Variants in RASA1 observed in about 807,000 individuals in gnomAD.
RASA1 encodes RAS p21 protein activator 1.
In RASA1, 25 loss-of-function variants were observed where a neutral mutation model predicts 132.2. The observed-to-expected ratio is 0.19, with a 90% CI of 0.14 to 0.26. The LOEUF is 0.26. RASA1 is among the 10% of genes least tolerant of loss of function. The pLI, the probability that RASA1 is intolerant of heterozygous loss-of-function variation, is 1.00. For missense variants in RASA1, 964 were observed against 1,299.2 expected (o/e 0.74, Z 3.97); for synonymous variants, 477 against 449.9 (o/e 1.06, Z -0.76).
Position 87,268,647 on chromosome 5 carries a change from G to A in RASA1, c.196G>A (p.Ala66Thr). 1 of 1,610,996 alleles carries A rather than the reference G, an allele frequency of 6.2e-7. No homozygotes were observed. Among genetic ancestry groups the A allele is most frequent in the Non-Finnish European group, 8.5e-7 (1 of 1,179,030 alleles). Residue 66 changes from alanine (A) to threonine (T), a missense_variant, in exon 1 of 25, where the codon GCT becomes ACT. By Grantham distance (58) the Ala-to-Thr change is moderately conservative. Around this residue, in one of 6 missense-constraint regions of RASA1, gnomAD observed 326 missense variants for 275.8 expected, o/e 1.18. Coordinates refer to ENST00000274376, the MANE Select transcript of RASA1 (RefSeq NM_002890.3). Reference sequence around the variant, plus strand: ...GGCTGGAACTCTGGGTGGCGGAGCCGCTTTGGGGTCAGAGTTCCTAGGAGC... The same window carrying A: ...GGCTGGAACTCTGGGTGGCGGAGCCACTTTGGGGTCAGAGTTCCTAGGAGC... ...GVAGTLGGGA[A>T]LGSEFLGAGS...
chr5:87,300,045 A>G (rs1225020669), intron 1 of RASA1, among the ~76,000 whole-genome samples: 2 of 152,172 alleles, frequency 1.3e-5, no homozygotes, highest in East Asian at 3.8e-4. Context: ...TAAAACAAGA[A>G]TAATAGATAT....
intron 18 of RASA1, among the ~76,000 whole-genome samples, chr5:87,379,409 A>T (rs535862577): frequency 6.6e-6 from 1 of 152,316 alleles, no homozygotes; most frequent in African/African-American, 2.4e-5. Context: ...ATTCTGCCTA[A>T]GGCATTTGAT....
chr5:87,302,492 C>T (rs561614621), intron 1 of RASA1, among the ~76,000 whole-genome samples: 3 of 150,372 alleles, frequency 2.0e-5, no homozygotes, highest in African/African-American at 4.9e-5. Context: ...TCTTCAATTT[C>T]GCACTGTTGT....
At chr5:87,379,667 G>A in intron 18 of RASA1, 68 bp from the exon 19 acceptor site, 2 of 1,577,642 alleles carry the variant, frequency 1.3e-6, no homozygotes, top group South Asian at 2.3e-5. Context: ...ATAACTACTT[G>A]TTTTCCTCTA....
At chr5:87,346,956 G>C (rs1171519864) in intron 7 of RASA1, among the ~76,000 whole-genome samples, 1 of 151,908 alleles carries the variant, frequency 6.6e-6, no homozygotes, top group Non-Finnish European at 1.5e-5. Flanking sequence ...CACTTCCTCA[G>C]AAGTAACACT....
chr5:87,345,911 C>T (rs1205781340), intron 6 of RASA1, among the ~76,000 whole-genome samples: 2 of 151,936 alleles, frequency 1.3e-5, no homozygotes, highest in South Asian at 4.1e-4. Context: ...AGATAATAGG[C>T]CTTTAGGTAA....
intron 1 of RASA1, among the ~76,000 whole-genome samples, chr5:87,282,924 C>T (rs115911349): frequency 0.011 from 1,686 of 152,216 alleles, 14 homozygotes; most frequent in Middle Eastern, 0.044. Flanking sequence ...TGTGGAATGA[C>T]TAAACTGAGC....
At chr5:87,305,522 C>A (rs1442245320) in intron 1 of RASA1, among the ~76,000 whole-genome samples, 3 of 152,174 alleles carry the variant, frequency 2.0e-5, no homozygotes, top group African/African-American at 7.2e-5. Context: ...ACACCCCATA[C>A]TATAAAAACC....
intron 8 of RASA1, 93 bp from the exon 9 acceptor site, chr5:87,353,064 T>TC: frequency 1.0e-6 from 1 of 959,222 alleles, no homozygotes. Context: ...AATTTGCTAA[T>TC]TAGATAATCC....
At position 87,356,384 on chromosome 5, in the gene RASA1, T is replaced by G. The variant is rs796497611; in HGVS notation, c.1332+3149T>G. Among the ~76,000 whole-genome samples, 17 of 124,500 alleles carry G rather than the reference T, an allele frequency of 1.4e-4. No individual in the cohort carries two copies. The East Asian group carries it at 1.9e-3, about 14-fold the overall frequency. The allele number at this position is 124,500 out of a possible 152,430, so 81.7% of individuals were successfully genotyped here. ...TCACTGACGTCCTAGATGATTGTTA[T>G]TTTTTTTTTTTTTTCTCCCTCCGGA... is the stretch of plus-strand genomic sequence containing the variant. On this transcript the variant is annotated intron_variant, in intron 9 of 24. Coordinates refer to ENST00000274376, the MANE Select transcript of RASA1 (RefSeq NM_002890.3).
intron 6 of RASA1, among the ~76,000 whole-genome samples, chr5:87,342,468 A>G (rs1758543314): frequency 1.3e-5 from 2 of 152,278 alleles, no homozygotes; most frequent in South Asian, 2.1e-4. Flanking sequence ...TAGGAGTTGC[A>G]AATTCTAATT....
chr5:87,351,301 T>C (rs987708417), intron 8 of RASA1, among the ~76,000 whole-genome samples: 8 of 151,718 alleles, frequency 5.3e-5, no homozygotes, highest in Admixed American at 1.3e-4. Context: ...GAAAAAGATA[T>C]AGTTTCTTCT....
At chr5:87,389,277 G>C in intron 23 of RASA1, 116 bp from the exon 24 acceptor site, 1 of 1,363,736 alleles carries the variant, frequency 7.3e-7, no homozygotes, top group Middle Eastern at 2.0e-4. Context: ...GTTGCAGTGA[G>C]CCGAGATCAT....
chr5:87,332,657 T>C lies in RASA1; in HGVS notation c.828+15T>C. The C allele has an allele frequency of 6.2e-7, 1 of 1,602,170 alleles. No homozygotes were observed. Among genetic ancestry groups the C allele is most frequent in the Non-Finnish European group, 8.5e-7 (1 of 1,170,514 alleles). On this transcript the variant is annotated intron_variant, in intron 3 of 24. Coordinates refer to ENST00000274376, the MANE Select transcript of RASA1 (RefSeq NM_002890.3). ...CACCACCAGAGGCAAGTAAAATGAA[T>C]AAAATATCTTTCAAAACTTTATTTT...
chr5:87,271,196 C>T (rs1393388124), intron 1 of RASA1, among the ~76,000 whole-genome samples: 1 of 152,096 alleles, frequency 6.6e-6, no homozygotes, highest in Non-Finnish European at 1.5e-5. Flanking sequence ...CGAGATCCTG[C>T]CATTGCACTC....
chr5:87,310,244 AAAT>A (rs1051507068), intron 1 of RASA1, among the ~76,000 whole-genome samples: 1 of 152,042 alleles, frequency 6.6e-6, no homozygotes, highest in African/African-American at 2.4e-5. Flanking sequence ...ATCAAGAAGA[AAAT>A]AAGGAATTTT....
intron 22 of RASA1, 21 bp downstream of exon 22, chr5:87,385,410 T>C (rs762531000): frequency 1.3e-6 from 2 of 1,519,210 alleles, no homozygotes; most frequent in Non-Finnish European, 9.1e-7. Flanking sequence ...TTTGATACTT[T>C]AAAATGTAAT....
intron 9 of RASA1, 25 bp downstream of exon 9, chr5:87,353,260 A>G (rs183788381): frequency 1.8e-5 from 28 of 1,534,752 alleles, no homozygotes; most frequent in East Asian, 6.8e-5. Context: ...TCTTATTGCA[A>G]TAATTAGCAT....
chr5:87,303,728 A>G lies in RASA1; in HGVS notation c.540-27620A>G, dbSNP rs766550642. 5.3e-5 allele frequency among the ~76,000 whole-genome samples: 8 copies of G among 151,432 alleles called. 1 individual carries two copies. The highest frequency in any genetic ancestry group is 4.1e-4 in the South Asian group (2 of 4,830). On this transcript the variant is annotated intron_variant, in intron 1 of 24. Transcript: ENST00000274376. ...TGTTCTATGTTCACTTGAAAGGTAT[A>G]TATATATAATTCATATATATAATTC...
Sources: allele counts gnomAD v4.1 joint callset (sites outside exome capture counted in the v4.1 genomes callset), GRCh38; gene constraint gnomAD v4.1.1; regional missense constraint gnomAD v4.1.1; transcripts MANE v1.5; gene names NCBI Gene and HGNC (gene_info 2026-07-23, HGNC 2026-07-21).